The following GNAS variants were observed in gnomAD, a reference collection of about 807,000 sequenced individuals.
GNAS encodes the protein GNAS complex locus.
Under a neutral mutation model 54.5 loss-of-function variants are expected in GNAS, and 8 were observed. The ratio of observed to expected loss-of-function variants is 0.15; its 90% CI spans 0.09 to 0.26. GNAS has a LOEUF of 0.26. GNAS is among the 10% of genes least tolerant of loss of function. The pLI, the probability that GNAS is intolerant of heterozygous loss-of-function variation, is 1.00. For synonymous variants in GNAS, 204 were observed against 191.4 expected (o/e 1.07, Z -0.54); for missense variants, 170 against 529.8 (o/e 0.32, Z 6.67).
intron 1 of GNAS, chr20:58,855,714 C>T (rs1180157859): frequency 4.7e-6 from 3 of 642,058 alleles, no homozygotes; most frequent in Non-Finnish European, 5.7e-6. Context: ...GTGGGGTCCA[C>T]GGTGGGCTGG....
In GNAS at chr20:58,866,011, T is replaced by C. The variant is rs371567162; in HGVS notation, c.43+25125T>C. ...CACACTCAATTAATTCACTCTGCAT[T>C]GTAGAGAAGGATGCCAAGACACGAA... is the stretch of plus-strand genomic sequence containing the variant. On this transcript the variant is annotated intron_variant, in intron 1 of 12. Transcript: ENST00000306090. 1.7e-3 allele frequency among the ~76,000 whole-genome samples: 256 copies of C among 152,272 alleles called. 2 individuals carry two copies. Among genetic ancestry groups the C allele is most frequent in the African/African-American group, 6.1e-3 (252 of 41,548 alleles).
chr20:58,840,101 A>G (rs565827536), upstream of GNAS: 47 of 1,610,098 alleles, frequency 2.9e-5, no homozygotes, highest in South Asian at 4.8e-4. The surrounding 1 kb of genome is among the most constrained non-coding windows in gnomAD (Gnocchi z 6.0). Flanking sequence ...GTGTGTGCCT[A>G]AGAGGATGGA....
Position 58,841,333 on chromosome 20 carries a change from C to T in GNAS, c.43+447C>T, listed in dbSNP as rs1600659030. The T allele has an allele frequency of 4.7e-6, 5 of 1,055,424 alleles. No individual in the cohort carries two copies. The highest frequency in any genetic ancestry group is 2.3e-6 in the Non-Finnish European group (2 of 873,172). 65.4% of individuals were successfully genotyped at this position (1,055,424 alleles called of 1,614,324 possible). On this transcript the variant is annotated intron_variant, in intron 1 of 12. Coordinates refer to the GNAS transcript ENST00000306090. This position sits in a 1 kb window ranked among gnomAD's most constrained non-coding sequence, Gnocchi z 5.0. ...TCGGAGGTGCGCGCGCCAACTTTCA[C>T]GATGTGAGAGCAGCCGCGCTGTAGA...
intron 1 of GNAS, among the ~76,000 whole-genome samples, chr20:58,878,912 T>TGGGGGGGGGGGGGGGGGGGGGGGG (rs11086659): frequency 6.3e-5 from 6 of 95,390 alleles, no homozygotes; most frequent in Admixed American, 3.4e-4. Context: ...GGGGTGCGGG[T>TGGGGGGGGGGGGGGGGGGGGGGGG]GGGGGGGGGA....
At chr20:58,881,522 C>T (rs914228643) in intron 1 of GNAS, among the ~76,000 whole-genome samples, 31 of 152,134 alleles carry the variant, frequency 2.0e-4, no homozygotes, top group African/African-American at 2.4e-4. Context: ...GAGATAGCGC[C>T]GTTTGCTTGG....
rs781674918 is a variant in GNAS, at chr20:58,853,924, C to G, written c.43+13038C>G. The stretch of plus-strand genomic sequence containing the variant: ...TCCAGAGGAGGCTACAGCCCTCCCC[C>G]TGAGGAGACTATGCCATTTGAGCTT... On this transcript the variant is annotated intron_variant, in intron 1 of 12. Coordinates refer to the GNAS transcript ENST00000306090. This position sits in a 1 kb window ranked among gnomAD's most constrained non-coding sequence, Gnocchi z 4.4. The G allele has an allele frequency of 6.2e-7, 1 of 1,610,722 alleles. No homozygotes were observed.
chr20:58,895,526 G>T, intron 1 of GNAS, 86 bp from the exon 2 acceptor site: 1 of 837,564 alleles, frequency 1.2e-6, no homozygotes. Context: ...TGCTTCTATG[G>T]AAAAACAAAA....
Position 58,853,101 on chromosome 20 carries a change from A to G in GNAS, c.43+12215A>G. On this transcript the variant is annotated intron_variant, in intron 1 of 12. Coordinates refer to the GNAS transcript ENST00000306090. The surrounding 1 kb of genome is among the most constrained non-coding windows in gnomAD (Gnocchi z 4.4). The stretch of plus-strand genomic sequence containing the variant: ...TCAGCCTCAGTCTAGGGTTCCTTCC[A>G]GGCCTTGAACCCCCCAACCTCACAA... 1 of 1,420,248 alleles carries G rather than the reference A, an allele frequency of 7.0e-7. No individual in the cohort carries two copies. Among genetic ancestry groups the G allele is most frequent in the Non-Finnish European group, 9.1e-7 (1 of 1,093,070 alleles). The allele number at this position is 1,420,248 out of a possible 1,614,324, so 88.0% of individuals were successfully genotyped here.
In GNAS at chr20:58,891,709, G is replaced by GC. The variant is rs1449073965; in HGVS notation, c.-16dup. On this transcript the variant is annotated 5_prime_UTR_variant, in exon 1 of 13. Transcript: ENST00000371085. ...CGCCGCCGCAGCCCGGCCGCGCCCCGCCGCCGCCGCCGCCGCCATGGGCTG... is the reference window on the plus strand; with the variant it reads ...CGCCGCCGCAGCCCGGCCGCGCCCCGCCCGCCGCCGCCGCCGCCATGGGCTG... 3 of 970,928 alleles carry GC rather than the reference G, an allele frequency of 3.1e-6. No homozygotes were observed. The highest frequency in any genetic ancestry group is 3.8e-6 in the Non-Finnish European group (3 of 789,880). The allele number at this position is 970,928 out of a possible 1,614,324, so 60.1% of individuals were successfully genotyped here.
At chr20:58,839,894 G>A, upstream of GNAS, 2 of 601,962 alleles carry the variant, frequency 3.3e-6, no homozygotes, top group Non-Finnish European at 5.9e-6. Context: ...TGCTCAGAGA[G>A]GCAAGCAAGG....
intron 1 of GNAS, among the ~76,000 whole-genome samples, chr20:58,866,577 T>C (rs2145671138): frequency 6.6e-6 from 1 of 152,312 alleles, no homozygotes; most frequent in East Asian, 1.9e-4. Flanking sequence ...AAGTAACCAT[T>C]ATGGAAGGGG....
rs748086288 is a variant in GNAS, at chr20:58,854,081, G to A, written c.43+13195G>A. ...TCCGCCTCACTCCCGCCGCGAACGC[G>A]CCTCCCCTCTGGGTCCCAGGCGCCA... is the stretch of plus-strand genomic sequence containing the variant. On this transcript the variant is annotated intron_variant, in intron 1 of 12. Coordinates refer to the GNAS transcript ENST00000306090. 8.7e-6 allele frequency: 14 copies of A among 1,612,064 alleles called. No individual in the cohort carries two copies. The Admixed American group carries it at 1.2e-4, about 13-fold the overall frequency.
At chr20:58,889,480 A>AC (rs1364015384), upstream of GNAS, 33 of 340,418 alleles carry the variant, frequency 9.7e-5, no homozygotes, top group East Asian at 4.3e-3. Context: ...GCCTCCGGGC[A>AC]CCCCCCAATT....
At chr20:58,899,948 G>A in intron 3 of GNAS, 2 of 717,644 alleles carry the variant, frequency 2.8e-6, no homozygotes, top group Non-Finnish European at 5.2e-6. Flanking sequence ...GTTTCTTTTA[G>A]AATATAATAT....
At chr20:58,876,431 C>T (rs1032482667) in intron 1 of GNAS, among the ~76,000 whole-genome samples, 2 of 151,882 alleles carry the variant, frequency 1.3e-5, no homozygotes, top group Non-Finnish European at 2.9e-5. Context: ...AAATTATTTT[C>T]AGAAAGTTCT....
chr20:58,868,711 T>C lies in GNAS; in HGVS notation c.44-26901T>C, dbSNP rs1057138464. 4.6e-5 allele frequency among the ~76,000 whole-genome samples: 7 copies of C among 152,278 alleles called. No individual in the cohort carries two copies. The East Asian group carries it at 7.7e-4, about 17-fold the overall frequency. ...CTCGAATTTCTTTCTCACTTTTCCTTTGTTTTCTCGCTCTCTCACTCTCTT... is the reference window on the plus strand; with the variant it reads ...CTCGAATTTCTTTCTCACTTTTCCTCTGTTTTCTCGCTCTCTCACTCTCTT... On this transcript the variant is annotated intron_variant, in intron 1 of 12. Transcript: ENST00000306090.
chr20:58,855,542 T>C, intron 1 of GNAS: 1 of 720,098 alleles, frequency 1.4e-6, no homozygotes, highest in Non-Finnish European at 2.6e-6. Context: ...GGCCGAAGTA[T>C]ATGCCCTCCA....
At chr20:58,891,902 G>A in intron 1 of GNAS, 37 bp downstream of exon 1, 1 of 1,023,680 alleles carries the variant, frequency 9.8e-7, no homozygotes. Context: ...CCGGCCCGGG[G>A]GCCCTCGAAG....
At chr20:58,890,261 CGCCGCG>C (rs1322090463), upstream of GNAS, among the ~76,000 whole-genome samples, 4 of 150,272 alleles carry the variant, frequency 2.7e-5, no homozygotes, top group Non-Finnish European at 4.4e-5. Flanking sequence ...AGGCCGCCGC[CGCCGCG>C]GCCGCCGCCG....
Sources: allele counts gnomAD v4.1 joint callset (sites outside exome capture counted in the v4.1 genomes callset), GRCh38; gene constraint gnomAD v4.1.1; non-coding constraint Gnocchi (gnomAD v3.1); transcripts MANE v1.5; gene names NCBI Gene and HGNC (gene_info 2026-07-23, HGNC 2026-07-21).